Variants in WDR19 observed in about 807,000 individuals in gnomAD.
WDR19 encodes WD repeat domain 19.
WDR19 carries 121 observed loss-of-function variants against 180.0 expected under a neutral mutation model. The observed-to-expected ratio is 0.67, with a 90% CI of 0.58 to 0.78. The LOEUF is 0.78. Ranked by LOEUF, WDR19 falls within the 30% of genes least tolerant of loss-of-function variation. WDR19 has a pLI of 0.00. For synonymous variants in WDR19, 497 were observed against 540.7 expected (o/e 0.92, Z 1.12); for missense variants, 1,450 against 1,640.7 (o/e 0.88, Z 2.01).
chr4:39,269,514 A>G (rs1288949711), intron 30 of WDR19, among the ~76,000 whole-genome samples: 1 of 152,166 alleles, frequency 6.6e-6, no homozygotes, highest in Non-Finnish European at 1.5e-5. Context: ...ACCATTTTTC[A>G]CCAGAGCAAC....
Position 39,182,539 on chromosome 4 carries a change from T to C in WDR19, c.-19T>C. 1.2e-6 allele frequency: 2 copies of C among 1,613,708 alleles called. No individual in the cohort carries two copies. Among genetic ancestry groups the C allele is most frequent in the East Asian group, 2.2e-5 (1 of 44,864 alleles). On this transcript the variant is annotated 5_prime_UTR_variant, in exon 1 of 37. Coordinates refer to ENST00000399820, the MANE Select transcript of WDR19 (RefSeq NM_025132.4). ...GCGCCTGCGTACTTCATAGTTCGCG[T>C]AGCGGCTCGAGCGTGGAGATGAAGG... is the stretch of plus-strand genomic sequence containing the variant.
At chr4:39,217,916 C>T in intron 13 of WDR19, 67 bp from the exon 14 acceptor site, 1 of 1,572,038 alleles carries the variant, frequency 6.4e-7, no homozygotes, top group South Asian at 1.2e-5. Flanking sequence ...AAAAAGACAC[C>T]CCTAGATGTT....
chr4:39,197,356 G>C (rs1477971067), intron 5 of WDR19, among the ~76,000 whole-genome samples: 1 of 150,890 alleles, frequency 6.6e-6, no homozygotes, highest in African/African-American at 2.5e-5. Flanking sequence ...AACCCAGGAG[G>C]CAGAAGCTGC....
At chr4:39,190,354 T>A (rs1726022868) in intron 4 of WDR19, among the ~76,000 whole-genome samples, 1 of 151,918 alleles carries the variant, frequency 6.6e-6, no homozygotes, top group Admixed American at 6.6e-5. Flanking sequence ...AGTTCCCAAA[T>A]GGAAAAAAAT....
In WDR19 at chr4:39,244,452, A is replaced by T; in HGVS notation, c.2563-18A>T. 1 of 1,613,930 alleles carries T rather than the reference A, an allele frequency of 6.2e-7. No homozygotes were observed. Among genetic ancestry groups the T allele is most frequent in the Non-Finnish European group, 8.5e-7 (1 of 1,179,848 alleles). ...ATACATAATAACTTAGTATTTTAAT[A>T]ATCCTGTCTTATTTTAGCAATTTTC... On this transcript the variant is annotated intron_variant, in intron 22 of 36. Transcript: ENST00000399820.
At chr4:39,241,097 C>T (rs1731899919) in intron 21 of WDR19, among the ~76,000 whole-genome samples, 1 of 152,094 alleles carries the variant, frequency 6.6e-6, no homozygotes, top group Admixed American at 6.6e-5. Flanking sequence ...CTCTTTTTCC[C>T]ATCCCAGAAT....
intron 7 of WDR19, among the ~76,000 whole-genome samples, chr4:39,204,239 C>T (rs1289201436): frequency 6.6e-5 from 10 of 152,070 alleles, no homozygotes; most frequent in Admixed American, 5.9e-4. Flanking sequence ...GCATGCGCCA[C>T]GACACCCAGC....
chr4:39,195,945 A>G (rs544604093), intron 5 of WDR19, among the ~76,000 whole-genome samples: 17 of 152,350 alleles, frequency 1.1e-4, no homozygotes, highest in African/African-American at 3.6e-4. Flanking sequence ...TAGTTTGTCT[A>G]TTAACTGTTA....
At position 39,282,437 on chromosome 4, in the gene WDR19, G is replaced by A. The variant is rs370375317; in HGVS notation, c.*14-3050G>A. Among the ~76,000 whole-genome samples the A allele has an allele frequency of 1.4e-4, 21 of 151,962 alleles. 1 individual carries two copies. In the South Asian group the frequency reaches 2.9e-3, roughly 21 times the overall value. On this transcript the variant is annotated intron_variant, in intron 36 of 36. Coordinates refer to ENST00000399820, the MANE Select transcript of WDR19 (RefSeq NM_025132.4). The stretch of plus-strand genomic sequence containing the variant: ...TTTGAGATGGAGTTTCACTCTTGTC[G>A]CCCAGGCCAGAGTGCAATGATGCAA...
intron 28 of WDR19, among the ~76,000 whole-genome samples, chr4:39,264,195 C>G (rs1251848167): frequency 6.6e-6 from 1 of 152,088 alleles, no homozygotes; most frequent in Non-Finnish European, 1.5e-5. Flanking sequence ...AGTAATCTGC[C>G]CACGATCACA....
At position 39,278,220 on chromosome 4, in the gene WDR19, C is replaced by T. The variant is rs1736101807; in HGVS notation, c.3917+13C>T. 6.3e-7 allele frequency: 1 copy of T among 1,589,370 alleles called. No homozygotes were observed. Among genetic ancestry groups the T allele is most frequent in the Non-Finnish European group, 8.6e-7 (1 of 1,167,774 alleles). On this transcript the variant is annotated intron_variant, in intron 35 of 36. Transcript: ENST00000399820. ...CAGAATTGAAGATGTAAGTGTGCAT[C>T]ACGTCACTCAGTCTCACTGATTTCT...
chr4:39,193,191 T>TCG (rs1174396773), intron 4 of WDR19, among the ~76,000 whole-genome samples: 1 of 150,550 alleles, frequency 6.6e-6, no homozygotes, highest in East Asian at 1.9e-4. Flanking sequence ...AGACAGAGTC[T>TCG]CACTGTGTCG....
rs560863903 is a variant in WDR19, at chr4:39,215,675, T to G, written c.962-166T>G. On this transcript the variant is annotated intron_variant, in intron 10 of 36. Transcript: ENST00000399820. ...GAATGAGCCAGTGCTCATATTCTTA[T>G]GCCAATCCATGGCAAATTTCCTAGT... Among the ~76,000 whole-genome samples the G allele has an allele frequency of 2.6e-5, 4 of 152,284 alleles. No individual in the cohort carries two copies. In the East Asian group the frequency reaches 7.7e-4, roughly 29 times the overall value.
At chr4:39,212,518 G>GACC (rs1352877163) in intron 9 of WDR19, among the ~76,000 whole-genome samples, 1 of 152,178 alleles carries the variant, frequency 6.6e-6, no homozygotes, top group African/African-American at 2.4e-5. Context: ...ATGGCCGGAC[G>GACC]CGGTGCCTCA....
rs562144820 is a variant in WDR19 at position 39,248,397 on chromosome 4, C to G, written c.2729+2945C>G. On this transcript the variant is annotated intron_variant, in intron 24 of 36. Transcript: ENST00000399820. Reference sequence around the variant, plus strand: ...GAACCGGTACCAGCCACTGCAAAAACATGCCAAATTGTAAAGACCATCAAG... The same window carrying G: ...GAACCGGTACCAGCCACTGCAAAAAGATGCCAAATTGTAAAGACCATCAAG... Among the ~76,000 whole-genome samples the G allele has an allele frequency of 3.8e-4, 58 of 152,342 alleles. 2 individuals carry two copies. Among genetic ancestry groups the G allele is most frequent in the African/African-American group, 1.3e-3 (54 of 41,588 alleles).
chr4:39,214,493 C>T (rs1163909648), intron 9 of WDR19, 108 bp from the exon 10 acceptor site: 2 of 629,928 alleles, frequency 3.2e-6, no homozygotes, highest in South Asian at 2.1e-5. Context: ...CTGTACATCA[C>T]ATTTTGGAGA....
At chr4:39,274,462 A>G (rs1469178862) in intron 32 of WDR19, 2 of 213,860 alleles carry the variant, frequency 9.4e-6, no homozygotes, top group Non-Finnish European at 1.9e-5. Context: ...ATTAGTGTAT[A>G]AAGTCATTAA....
In WDR19 at chr4:39,232,191, A is replaced by G. The variant is rs746650677; in HGVS notation, c.2172A>G (p.Gly724=). The G allele has an allele frequency of 1.2e-6, 2 of 1,613,584 alleles. No homozygotes were observed. The highest frequency in any genetic ancestry group is 2.2e-5 in the East Asian group (1 of 44,866). ...TAGAGGACTACAATCTTTTGGCAGG[A>G]CACCTTGCCATGTTTACCAACGATT... The part of the protein sequence containing the change: ...KGIEDYNLLA[G]HLAMFTNDYN... Residue 724 remains glycine, a synonymous_variant, in exon 19 of 37, where the codon GGA becomes GGG. Coordinates refer to ENST00000399820, the MANE Select transcript of WDR19 (RefSeq NM_025132.4).
intron 28 of WDR19, among the ~76,000 whole-genome samples, chr4:39,261,001 T>C (rs1274522771): frequency 2.0e-5 from 3 of 152,090 alleles, no homozygotes; most frequent in African/African-American, 7.2e-5. Context: ...TTTGGTCTCT[T>C]TTTTGTTGTT....
Sources: gnomAD v4.1 joint callset for allele counts (sites outside exome capture counted in the v4.1 genomes callset) on GRCh38, gnomAD v4.1.1 for gene constraint, MANE v1.5 for transcripts, NCBI Gene and HGNC (gene_info 2026-07-23, HGNC 2026-07-21) for gene names.